Variants in KCNU1 observed in about 807,000 individuals in gnomAD.
The protein encoded by KCNU1 is potassium calcium-activated channel subfamily U member 1, also known as potassium channel subfamily U member 1.
KCNU1 carries 93 observed loss-of-function variants against 126.8 expected under a neutral mutation model. That is an observed-to-expected ratio of 0.73 (90% confidence interval 0.62 to 0.87). The LOEUF is 0.87. KCNU1 is among the 40% of genes least tolerant of loss of function. KCNU1 has a pLI of 0.00. For missense variants in KCNU1, 1,330 were observed against 1,367.1 expected, an observed-to-expected ratio of 0.97 and a Z score of 0.43; for synonymous variants, 523 against 494.2, an observed-to-expected ratio of 1.06 and a Z score of -0.77.
chr8:36,848,367 G>A (rs535366495), intron 18 of KCNU1, among the ~76,000 whole-genome samples: 2 of 152,258 alleles, frequency 1.3e-5, no homozygotes, highest in East Asian at 3.9e-4. Flanking sequence ...TATTTGCCTA[G>A]TTTAAAATCT....
chr8:36,832,120 A>G (rs1233205238), intron 10 of KCNU1, among the ~76,000 whole-genome samples: 8 of 152,094 alleles, frequency 5.3e-5, no homozygotes, highest in Admixed American at 5.2e-4. Context: ...ATTGATCTAT[A>G]TCTCTGTTTT....
At position 36,914,589 on chromosome 8, in the gene KCNU1, A is replaced by G. The variant is rs367827766; in HGVS notation, c.2521+3470A>G. Among the ~76,000 whole-genome samples, 202 of 152,248 alleles carry G rather than the reference A, an allele frequency of 1.3e-3. 1 individual carries two copies. Among genetic ancestry groups the G allele is most frequent in the African/African-American group, 4.8e-3 (198 of 41,544 alleles). ...GCAGAAATTCACCAACGGAAATTGG[A>G]TGAGGCGGGGGGTTTTGGGGGAGCA... On this transcript the variant is annotated intron_variant, in intron 22 of 26. Transcript: ENST00000399881.
chr8:36,818,669 G>A (rs1257508694), intron 10 of KCNU1, among the ~76,000 whole-genome samples: 1 of 152,108 alleles, frequency 6.6e-6, no homozygotes, highest in Admixed American at 6.6e-5. Context: ...AAATAAGTCA[G>A]CCAGATTTTG....
At chr8:36,898,015 C>T (rs1293660627) in intron 19 of KCNU1, among the ~76,000 whole-genome samples, 2 of 152,042 alleles carry the variant, frequency 1.3e-5, no homozygotes, top group Non-Finnish European at 2.9e-5. Context: ...CACAGGCTTT[C>T]CTCCAGTGAT....
chr8:36,857,540 T>C (rs1805569449), intron 18 of KCNU1, among the ~76,000 whole-genome samples: 1 of 152,212 alleles, frequency 6.6e-6, no homozygotes, highest in Non-Finnish European at 1.5e-5. Context: ...TGCCAAAGAT[T>C]CTTTCTGCCC....
chr8:36,932,559 A>G (rs1325829788), intron 25 of KCNU1, among the ~76,000 whole-genome samples: 1 of 152,064 alleles, frequency 6.6e-6, no homozygotes, highest in Non-Finnish European at 1.5e-5. Context: ...TCAAGAGTTC[A>G]TTTAACATCC....
chr8:36,886,683 G>A, intron 19 of KCNU1, among the ~76,000 whole-genome samples: 1 of 152,084 alleles, frequency 6.6e-6, no homozygotes, highest in East Asian at 1.9e-4. Context: ...GGTACAAGTG[G>A]TTTTTTGGTT....
intron 19 of KCNU1, among the ~76,000 whole-genome samples, chr8:36,879,775 T>C (rs184519262): frequency 1.3e-5 from 2 of 152,310 alleles, no homozygotes; most frequent in East Asian, 3.9e-4. Flanking sequence ...AGTAAATCAC[T>C]AGGACTTTGC....
intron 18 of KCNU1, among the ~76,000 whole-genome samples, chr8:36,861,397 C>T (rs975317520): frequency 1.3e-5 from 2 of 152,098 alleles, no homozygotes; most frequent in Non-Finnish European, 2.9e-5. Context: ...TACTTGGTCT[C>T]CCTGGCTCTG....
chr8:36,919,867 G>C (rs911168451), intron 23 of KCNU1, among the ~76,000 whole-genome samples: 1 of 152,212 alleles, frequency 6.6e-6, no homozygotes, highest in African/African-American at 2.4e-5. Flanking sequence ...AAACAAAGCA[G>C]GGGAACTTAG....
chr8:36,915,477 C>CTCT (rs1808061677), intron 22 of KCNU1, among the ~76,000 whole-genome samples: 1 of 152,230 alleles, frequency 6.6e-6, no homozygotes, highest in South Asian at 2.1e-4. Flanking sequence ...TAATTCTTAT[C>CTCT]TCTTTACAGT....
At chr8:36,823,473 T>C (rs1196416290) in intron 10 of KCNU1, among the ~76,000 whole-genome samples, 1 of 152,138 alleles carries the variant, frequency 6.6e-6, no homozygotes, top group Non-Finnish European at 1.5e-5. Context: ...TGATCTTAAA[T>C]CTGTAGTTAC....
intron 20 of KCNU1, among the ~76,000 whole-genome samples, chr8:36,908,493 G>T (rs1476637883): frequency 1.3e-5 from 2 of 150,282 alleles, no homozygotes; most frequent in Non-Finnish European, 3.0e-5. Context: ...TTTACATTAG[G>T]TATATCTCCT....
chr8:36,802,420 T>C (rs958280897), intron 2 of KCNU1, among the ~76,000 whole-genome samples: 3 of 152,296 alleles, frequency 2.0e-5, no homozygotes, highest in East Asian at 3.9e-4. Flanking sequence ...TTGTGGCTCA[T>C]TGTTGGCTAG....
At chr8:36,872,264 CCTAA>C (rs1263726405) in intron 19 of KCNU1, among the ~76,000 whole-genome samples, 1 of 152,082 alleles carries the variant, frequency 6.6e-6, no homozygotes, top group African/African-American at 2.4e-5. Context: ...GGAACAAAGC[CCTAA>C]CTAACAAATT....
chr8:36,814,460 G>T (rs1433723863), intron 8 of KCNU1, 83 bp downstream of exon 8: 1 of 990,896 alleles, frequency 1.0e-6, no homozygotes, highest in Admixed American at 2.2e-5. Context: ...AAACAATATA[G>T]GTTTAAGAGT....
intron 19 of KCNU1, among the ~76,000 whole-genome samples, chr8:36,869,788 A>G (rs559088191): frequency 6.6e-6 from 1 of 152,288 alleles, no homozygotes; most frequent in South Asian, 2.1e-4. Flanking sequence ...AAAATGTTTC[A>G]TGCTGTTGTT....
At chr8:36,789,627 T>A (rs1367784444) in intron 2 of KCNU1, among the ~76,000 whole-genome samples, 2 of 152,106 alleles carry the variant, frequency 1.3e-5, no homozygotes, top group African/African-American at 4.8e-5. Context: ...GAAAATTACA[T>A]ACATACATAA....
Position 36,793,920 on chromosome 8 carries a change from G to A in KCNU1, c.315+6495G>A, listed in dbSNP as rs139281848. Among the ~76,000 whole-genome samples, 508 of 152,104 alleles carry A rather than the reference G, an allele frequency of 3.3e-3. 6 individuals carry two copies. Among genetic ancestry groups the A allele is most frequent in the African/African-American group, 0.012 (482 of 41,480 alleles). The stretch of plus-strand genomic sequence containing the variant: ...TATGCAAAAATTGGCCAGGCATGGT[G>A]GTGCTCGCCTGTAATCCCAGCTACT... On this transcript the variant is annotated intron_variant, in intron 2 of 26. Coordinates refer to ENST00000399881, the MANE Select transcript of KCNU1 (RefSeq NM_001031836.3).
Sources: allele counts gnomAD v4.1 joint callset (sites outside exome capture counted in the v4.1 genomes callset), GRCh38; gene constraint gnomAD v4.1.1; transcripts MANE v1.5; gene names NCBI Gene and HGNC (gene_info 2026-07-23, HGNC 2026-07-21).